The following NOL10 variants were observed in gnomAD, a reference collection of about 807,000 sequenced individuals.
NOL10 encodes nucleolar protein 10, also known as H_NH0074G24.1.
In NOL10, 58 loss-of-function variants were observed where a neutral mutation model predicts 103.5. That is an observed-to-expected ratio of 0.56 (90% CI 0.45 to 0.70). The LOEUF is 0.70. Among genes scored for constraint, NOL10 ranks in the 30% least tolerant of loss-of-function variants. The pLI, the probability that NOL10 is intolerant of heterozygous loss-of-function variation, is 0.00. For synonymous variants in NOL10, 287 were observed against 282.5 expected (o/e 1.02, Z -0.16); for missense variants, 763 against 807.3 (o/e 0.95, Z 0.67).
At chr2:10,592,016 AAACAAACAAAC>A (rs1558274755) in intron 17 of NOL10, among the ~76,000 whole-genome samples, 1 of 151,718 alleles carries the variant, frequency 6.6e-6, no homozygotes, top group African/African-American at 2.4e-5. Flanking sequence ...ACAAACAAAC[AAACAAACAAAC>A]CAACCCAAAA....
intron 17 of NOL10, among the ~76,000 whole-genome samples, chr2:10,595,959 C>T (rs1484530865): frequency 6.6e-6 from 1 of 151,978 alleles, no homozygotes; most frequent in Non-Finnish European, 1.5e-5. Flanking sequence ...GCATGTATAA[C>T]TGTAATTTAA....
chr2:10,612,155 CT>C (rs1676608921), intron 13 of NOL10, among the ~76,000 whole-genome samples: 1 of 151,884 alleles, frequency 6.6e-6, no homozygotes, highest in South Asian at 2.1e-4. Context: ...AAAATAAATA[CT>C]CTTAGGGAGC....
chr2:10,652,416 A>G (rs1679532957), intron 12 of NOL10, among the ~76,000 whole-genome samples: 1 of 151,210 alleles, frequency 6.6e-6, no homozygotes, highest in Admixed American at 6.6e-5. Context: ...AGAAAAAAGA[A>G]AAAAAAAAGC....
intron 16 of NOL10, among the ~76,000 whole-genome samples, chr2:10,601,975 C>T (rs967737079): frequency 2.0e-5 from 3 of 152,206 alleles, no homozygotes; most frequent in Non-Finnish European, 2.9e-5. Context: ...CCAACAGGGG[C>T]GGCTGCAGAC....
intron 3 of NOL10, among the ~76,000 whole-genome samples, chr2:10,677,453 G>A (rs1050561548): frequency 1.3e-5 from 2 of 150,498 alleles, no homozygotes; most frequent in Admixed American, 1.3e-4. Flanking sequence ...TATTTTGTGG[G>A]GTTTTCTTTG....
At chr2:10,676,509 T>C (rs73169912) in intron 3 of NOL10, among the ~76,000 whole-genome samples, 2,089 of 152,282 alleles carry the variant, frequency 0.014, 58 homozygotes, top group African/African-American at 0.047. Flanking sequence ...GTAGTAACCA[T>C]TGACATGGAA....
chr2:10,572,094 T>C lies in NOL10; in HGVS notation c.2044A>G (p.Lys682Glu). Residue 682 changes from lysine (K) to glutamate (E), a missense_variant, in exon 21 of 21, where the codon AAA becomes GAA. Coordinates refer to ENST00000381685, the MANE Select transcript of NOL10 (RefSeq NM_024894.4). Reference sequence around the variant, plus strand: ...AATCAATGAAACGACCGTCCTCTTTTGTGTCTTGACTTCAGGTGTCCGGCC... The same window carrying C: ...AATCAATGAAACGACCGTCCTCTTTCGTGTCTTGACTTCAGGTGTCCGGCC... The part of the protein sequence containing the change: ...RSAGHLKSRH[K>E]RGRSFH 1 of 1,613,968 alleles carries C rather than the reference T, an allele frequency of 6.2e-7. No homozygotes were observed. Among genetic ancestry groups the C allele is most frequent in the Non-Finnish European group, 8.5e-7 (1 of 1,179,904 alleles).
intron 12 of NOL10, among the ~76,000 whole-genome samples, chr2:10,645,002 C>A (rs1351380904): frequency 6.6e-6 from 1 of 152,200 alleles, no homozygotes; most frequent in Non-Finnish European, 1.5e-5. Flanking sequence ...CTCCTCAGAT[C>A]CCCTGCTCTG....
At chr2:10,643,495 C>A (rs56902481) in intron 13 of NOL10, among the ~76,000 whole-genome samples, 1 of 151,896 alleles carries the variant, frequency 6.6e-6, no homozygotes, top group African/African-American at 2.4e-5. Context: ...TATTTCCTTG[C>A]TTCATTTTTT....
At chr2:10,663,432 G>A (rs957063481) in intron 8 of NOL10, among the ~76,000 whole-genome samples, 2 of 150,232 alleles carry the variant, frequency 1.3e-5, no homozygotes, top group East Asian at 1.9e-4. Context: ...CATTAACATT[G>A]TTTATTTCAT....
intron 19 of NOL10, among the ~76,000 whole-genome samples, chr2:10,583,370 T>C (rs193231615): frequency 5.4e-4 from 82 of 152,342 alleles, no homozygotes; most frequent in Non-Finnish European, 6.5e-4. Flanking sequence ...TCTTACTTTA[T>C]ACAATGACGC....
intron 19 of NOL10, among the ~76,000 whole-genome samples, chr2:10,588,737 G>A (rs190273069): frequency 2.2e-3 from 335 of 152,304 alleles, no homozygotes; most frequent in African/African-American, 7.7e-3. Flanking sequence ...GTGTTCCACT[G>A]ATACTCATAA....
chr2:10,637,133 G>A (rs779489844), intron 13 of NOL10, among the ~76,000 whole-genome samples: 4 of 141,936 alleles, frequency 2.8e-5, no homozygotes, highest in Non-Finnish European at 4.5e-5. Flanking sequence ...CCCAGGAGAT[G>A]GAGGTTGATT....
At chr2:10,615,438 A>C (rs4233882) in intron 13 of NOL10, among the ~76,000 whole-genome samples, 23 of 152,032 alleles carry the variant, frequency 1.5e-4, no homozygotes, top group African/African-American at 5.3e-4. Context: ...GTAGAGATAC[A>C]CATGACAGAG....
At chr2:10,630,409 T>C (rs1276864803) in intron 13 of NOL10, among the ~76,000 whole-genome samples, 3 of 152,200 alleles carry the variant, frequency 2.0e-5, no homozygotes, top group African/African-American at 7.2e-5. Flanking sequence ...AACTTGCCAT[T>C]TGACCTTAAA....
intron 12 of NOL10, among the ~76,000 whole-genome samples, chr2:10,646,647 T>C (rs962338806): frequency 2.6e-5 from 4 of 152,150 alleles, no homozygotes; most frequent in Non-Finnish European, 4.4e-5. Flanking sequence ...GAAATTAAGA[T>C]GATCAAGGCA....
chr2:10,586,801 GCTTAT>G (rs1000062597), intron 19 of NOL10, among the ~76,000 whole-genome samples: 4 of 151,602 alleles, frequency 2.6e-5, no homozygotes, highest in African/African-American at 7.3e-5. Flanking sequence ...CTTTTCTCCA[GCTTAT>G]CTTATTGTAT....
intron 17 of NOL10, among the ~76,000 whole-genome samples, chr2:10,597,995 C>G (rs1349929371): frequency 6.6e-6 from 1 of 152,118 alleles, no homozygotes; most frequent in Non-Finnish European, 1.5e-5. Context: ...ATCAACGGAA[C>G]GTAGATGTGA....
chr2:10,576,733 TAA>T lies in NOL10; in HGVS notation c.1947+901_1947+902del, dbSNP rs1674471984. Among the ~76,000 whole-genome samples the T allele has an allele frequency of 4.6e-5, 7 of 152,324 alleles. No homozygotes were observed. In the South Asian group the frequency reaches 1.5e-3, roughly 32 times the overall value. On this transcript the variant is annotated intron_variant, in intron 20 of 20. Transcript: ENST00000381685. ...CGGATGAAAAGATGGGGGTAAATGC[TAA>T]AGGGTATAGGGCTTCTTTCTGGGGT...
Sources: gnomAD v4.1 joint callset for allele counts (sites outside exome capture counted in the v4.1 genomes callset) on GRCh38, gnomAD v4.1.1 for gene constraint, MANE v1.5 for transcripts, NCBI Gene and HGNC (gene_info 2026-07-23, HGNC 2026-07-21) for gene names.